Variants in SCFD2 observed in about 807,000 individuals in gnomAD.
SCFD2 encodes sec1 family domain-containing protein 2.
In SCFD2, 54 loss-of-function variants were observed where a neutral mutation model predicts 58.9. The observed-to-expected ratio is 0.92, with a 90% CI of 0.74 to 1.15. SCFD2 has a LOEUF of 1.15. Ranked by LOEUF, SCFD2 falls within the 50% of genes most tolerant of loss-of-function variation. The pLI is 0.00. For missense variants in SCFD2, 805 were observed against 836.6 expected, an observed-to-expected ratio of 0.96 and a Z score of 0.47; for synonymous variants, 321 against 335.9, an observed-to-expected ratio of 0.96 and a Z score of 0.49.
chr4:52,968,138 C>A (rs1354022801), intron 5 of SCFD2, among the ~76,000 whole-genome samples: 1 of 152,196 alleles, frequency 6.6e-6, no homozygotes, highest in African/African-American at 2.4e-5. Flanking sequence ...GAATCACAGC[C>A]ATCAATGTTT....
intron 2 of SCFD2, among the ~76,000 whole-genome samples, chr4:53,339,626 C>T (rs1401115916): frequency 6.6e-6 from 1 of 151,896 alleles, no homozygotes; most frequent in Non-Finnish European, 1.5e-5. Context: ...AAAAGTTAGC[C>T]AGGCATGGTG....
intron 7 of SCFD2, among the ~76,000 whole-genome samples, chr4:52,895,242 A>T (rs1215719733): frequency 6.6e-6 from 1 of 152,004 alleles, no homozygotes; most frequent in Non-Finnish European, 1.5e-5. Context: ...ACATAAGTAT[A>T]CGTGTGCCAT....
chr4:53,330,973 C>G (rs1223401630), intron 2 of SCFD2, among the ~76,000 whole-genome samples: 12 of 150,874 alleles, frequency 8.0e-5, no homozygotes, highest in African/African-American at 2.4e-4. Context: ...AGACTTTAAA[C>G]CAACAAAGAT....
chr4:53,093,788 G>A (rs1372867390), intron 5 of SCFD2, among the ~76,000 whole-genome samples: 1 of 151,578 alleles, frequency 6.6e-6, no homozygotes, highest in Non-Finnish European at 1.5e-5. Flanking sequence ...GTGTAGAGAT[G>A]TATATCTTTG....
intron 5 of SCFD2, among the ~76,000 whole-genome samples, chr4:53,050,051 A>C (rs17082339): frequency 0.017 from 2,570 of 152,320 alleles, 76 homozygotes; most frequent in African/African-American, 0.059. Context: ...ATATGTGTAC[A>C]TGAGTCCGCA....
intron 2 of SCFD2, among the ~76,000 whole-genome samples, chr4:53,321,576 C>G (rs762921046): frequency 3.6e-4 from 54 of 152,048 alleles, no homozygotes; most frequent in Non-Finnish European, 7.9e-4. Context: ...ACAAAAAACC[C>G]AAACAATTTC....
intron 5 of SCFD2, among the ~76,000 whole-genome samples, chr4:52,935,962 C>T (rs544384607): frequency 7.8e-4 from 118 of 152,178 alleles, no homozygotes; most frequent in Non-Finnish European, 1.4e-3. Flanking sequence ...CTCAGCCTCC[C>T]GAGTAGCTGG....
intron 5 of SCFD2, among the ~76,000 whole-genome samples, chr4:53,020,331 C>G (rs1722316113): frequency 6.6e-6 from 1 of 152,178 alleles, no homozygotes; most frequent in Non-Finnish European, 1.5e-5. Context: ...AGTTTACACA[C>G]ATCTTGTGAG....
At chr4:53,043,230 T>C (rs894024985) in intron 5 of SCFD2, among the ~76,000 whole-genome samples, 1 of 152,186 alleles carries the variant, frequency 6.6e-6, no homozygotes, top group African/African-American at 2.4e-5. Context: ...GGAAAGGCAC[T>C]GTGGGGAATC....
chr4:53,067,284 C>T (rs1190367020), intron 5 of SCFD2, among the ~76,000 whole-genome samples: 1 of 151,948 alleles, frequency 6.6e-6, no homozygotes, highest in Non-Finnish European at 1.5e-5. Flanking sequence ...TCATTTCAAA[C>T]ATGCTTTACT....
intron 4 of SCFD2, among the ~76,000 whole-genome samples, chr4:53,148,820 G>A (rs1225413883): frequency 6.6e-6 from 1 of 152,096 alleles, no homozygotes; most frequent in African/African-American, 2.4e-5. Context: ...GAAGAGCCTG[G>A]GCAACATAGC....
chr4:52,916,331 A>T (rs1316243040), intron 6 of SCFD2, among the ~76,000 whole-genome samples: 1 of 152,232 alleles, frequency 6.6e-6, no homozygotes, highest in Non-Finnish European at 1.5e-5. Flanking sequence ...GCATTTTGGG[A>T]GGCCGAGGTG....
At chr4:53,033,484 G>A (rs746138435) in intron 5 of SCFD2, among the ~76,000 whole-genome samples, 3 of 152,114 alleles carry the variant, frequency 2.0e-5, no homozygotes, top group Non-Finnish European at 2.9e-5. Context: ...AGAACTGAAG[G>A]AGATAGAGAC....
At chr4:53,127,619 T>C (rs1239203266) in intron 5 of SCFD2, among the ~76,000 whole-genome samples, 1 of 152,244 alleles carries the variant, frequency 6.6e-6, no homozygotes, top group Non-Finnish European at 1.5e-5. Context: ...AGGAGTTGTC[T>C]GAGCTGAGCT....
intron 5 of SCFD2, among the ~76,000 whole-genome samples, chr4:52,967,996 C>A (rs1553911804): frequency 6.6e-6 from 1 of 152,122 alleles, no homozygotes; most frequent in Non-Finnish European, 1.5e-5. Context: ...CTCTAGCATC[C>A]CACTAACATT....
intron 5 of SCFD2, among the ~76,000 whole-genome samples, chr4:52,987,982 C>T (rs1035322385): frequency 3.3e-5 from 5 of 152,160 alleles, no homozygotes; most frequent in South Asian, 2.1e-4. Context: ...CAGGTTGAAA[C>T]GTCTGCGAAG....
At chr4:52,971,412 A>G (rs1180269307) in intron 5 of SCFD2, among the ~76,000 whole-genome samples, 1 of 152,242 alleles carries the variant, frequency 6.6e-6, no homozygotes, top group African/African-American at 2.4e-5. Context: ...AAGAAAGGGT[A>G]TCAGTGATGG....
chr4:53,328,498 T>C (rs1386047106), intron 2 of SCFD2, among the ~76,000 whole-genome samples: 1 of 152,158 alleles, frequency 6.6e-6, no homozygotes, highest in East Asian at 1.9e-4. Flanking sequence ...TGGGACAATA[T>C]TAACATCAAA....
intron 5 of SCFD2, among the ~76,000 whole-genome samples, chr4:53,087,302 C>T (rs1449897999): frequency 1.3e-5 from 2 of 152,120 alleles, no homozygotes; most frequent in African/African-American, 4.8e-5. Flanking sequence ...GAAGGTAGAA[C>T]TTGTGGGCAA....
Sources: allele counts gnomAD v4.1 joint callset (sites outside exome capture counted in the v4.1 genomes callset), GRCh38; gene constraint gnomAD v4.1.1; transcripts MANE v1.5; gene names NCBI Gene and HGNC (gene_info 2026-07-23, HGNC 2026-07-21).